AGBL4: variants seen among roughly 807,000 people sequenced by gnomAD.
The protein encoded by AGBL4 is AGBL carboxypeptidase 4, also known as cytosolic carboxypeptidase 6.
Under a neutral mutation model 66.4 loss-of-function variants are expected in AGBL4, and 58 were observed. The observed-to-expected ratio is 0.87, with a 90% CI of 0.71 to 1.09. The LOEUF (loss-of-function observed/expected upper bound fraction) is 1.09, where lower values mean the gene tolerates loss of function less well. AGBL4 is among the 50% of genes least tolerant of loss of function. The pLI is 0.00. For synonymous variants in AGBL4, 234 were observed against 222.9 expected (o/e 1.05, Z -0.44); for missense variants, 579 against 631.0 (o/e 0.92, Z 0.88).
intron 3 of AGBL4, among the ~76,000 whole-genome samples, chr1:49,553,804 T>C (rs541831679): frequency 1.3e-5 from 2 of 152,336 alleles, no homozygotes; most frequent in African/African-American, 4.8e-5. Flanking sequence ...TAAACACTTC[T>C]ACATTATTAT....
chr1:49,850,233 G>T (rs1646270900), intron 2 of AGBL4, among the ~76,000 whole-genome samples: 1 of 152,118 alleles, frequency 6.6e-6, no homozygotes, highest in Admixed American at 6.5e-5. Context: ...GACATACAGG[G>T]AGAACACCAT....
intron 3 of AGBL4, among the ~76,000 whole-genome samples, chr1:49,660,474 G>A (rs1646246833): frequency 1.3e-5 from 2 of 152,176 alleles, no homozygotes; most frequent in South Asian, 4.1e-4. Flanking sequence ...AGGTTGTGGA[G>A]AAATAGAAAT....
At chr1:48,938,723 C>T (rs986724213) in intron 5 of AGBL4, among the ~76,000 whole-genome samples, 7 of 152,178 alleles carry the variant, frequency 4.6e-5, no homozygotes, top group Non-Finnish European at 1.5e-5. Flanking sequence ...GCCCCTAAAG[C>T]CCTTCTCCCA....
chr1:48,846,362 G>GAAGAAAGAAAGAAAGAAAGA (rs72459142), intron 6 of AGBL4, among the ~76,000 whole-genome samples: 9 of 118,594 alleles, frequency 7.6e-5, no homozygotes, highest in Non-Finnish European at 7.0e-5. Flanking sequence ...GAGAAAGAAA[G>GAAGAAAGAAAGAAAGAAAGA]AAGAAAGAAA....
chr1:49,311,419 A>T (rs1005314673), intron 3 of AGBL4, among the ~76,000 whole-genome samples: 2 of 152,116 alleles, frequency 1.3e-5, no homozygotes, highest in African/African-American at 4.8e-5. Context: ...GCCTACAAAA[A>T]ACATTTGACT....
chr1:49,714,536 A>G (rs546274646), intron 2 of AGBL4, among the ~76,000 whole-genome samples: 115 of 149,030 alleles, frequency 7.7e-4, no homozygotes, highest in African/African-American at 2.6e-3. Flanking sequence ...AAAAGACATG[A>G]CTTTACTGTT....
intron 1 of AGBL4, among the ~76,000 whole-genome samples, chr1:49,982,700 A>G (rs1659163334): frequency 6.6e-6 from 1 of 152,054 alleles, no homozygotes. Context: ...TGAACCAATC[A>G]ACATGCACTT....
At chr1:49,492,533 A>T (rs572329652) in intron 3 of AGBL4, among the ~76,000 whole-genome samples, 1 of 152,044 alleles carries the variant, frequency 6.6e-6, no homozygotes, top group Non-Finnish European at 1.5e-5. Context: ...AAATTCACCA[A>T]AGGACTTTAT....
chr1:49,343,894 TG>T (rs1645588840), intron 3 of AGBL4, among the ~76,000 whole-genome samples: 1 of 152,314 alleles, frequency 6.6e-6, no homozygotes, highest in East Asian at 1.9e-4. Context: ...TAGTAATCTT[TG>T]AGAAATAAAG....
chr1:48,762,665 T>TGTAC (rs61362148), intron 6 of AGBL4, among the ~76,000 whole-genome samples: 1 of 150,880 alleles, frequency 6.6e-6, no homozygotes, highest in Non-Finnish European at 1.5e-5. Flanking sequence ...TGTGTATGTA[T>TGTAC]TTGCATGTGT....
At chr1:49,285,941 A>G (rs1644396537) in intron 3 of AGBL4, among the ~76,000 whole-genome samples, 1 of 152,246 alleles carries the variant, frequency 6.6e-6, no homozygotes, top group South Asian at 2.1e-4. Flanking sequence ...ATCCTTGATG[A>G]ACATTGATGC....
chr1:50,005,876 CAG>C (rs1661089747), intron 1 of AGBL4, among the ~76,000 whole-genome samples: 1 of 152,150 alleles, frequency 6.6e-6, no homozygotes, highest in Non-Finnish European at 1.5e-5. Context: ...AAGAATGCAT[CAG>C]AGTCTCTTAA....
intron 3 of AGBL4, among the ~76,000 whole-genome samples, chr1:49,593,137 G>A (rs1024838159): frequency 1.3e-5 from 2 of 152,078 alleles, no homozygotes; most frequent in Admixed American, 1.3e-4. Context: ...GGCTGGGCGC[G>A]GTGTCTCACG....
intron 5 of AGBL4, among the ~76,000 whole-genome samples, chr1:48,879,040 G>A (rs948800659): frequency 2.0e-5 from 3 of 152,064 alleles, no homozygotes; most frequent in East Asian, 3.9e-4. Flanking sequence ...TTGTAAGCCT[G>A]GGACAGAAGG....
At chr1:49,991,365 ATAAT>A (rs1386654114) in intron 1 of AGBL4, among the ~76,000 whole-genome samples, 1 of 152,186 alleles carries the variant, frequency 6.6e-6, no homozygotes, top group Non-Finnish European at 1.5e-5. Context: ...ATATGTATAA[ATAAT>A]TCTTATGCAT....
At chr1:49,610,933 A>T (rs1235449123) in intron 3 of AGBL4, among the ~76,000 whole-genome samples, 2 of 152,248 alleles carry the variant, frequency 1.3e-5, no homozygotes, top group African/African-American at 4.8e-5. Flanking sequence ...AAAAGAATTT[A>T]ATAAATGGAC....
chr1:49,039,958 A>C (rs1346386371), intron 5 of AGBL4, among the ~76,000 whole-genome samples: 1 of 152,072 alleles, frequency 6.6e-6, no homozygotes, highest in Non-Finnish European at 1.5e-5. Context: ...ATAGCACCAA[A>C]AGCATAATCC....
intron 3 of AGBL4, among the ~76,000 whole-genome samples, chr1:49,643,955 T>C (rs1041867012): frequency 1.3e-5 from 2 of 151,678 alleles, no homozygotes; most frequent in South Asian, 4.1e-4. Flanking sequence ...TGGTTAGATT[T>C]CCTTAAAAGA....
rs748122898 is a variant in AGBL4, at chr1:48,544,368, G to T, written c.1268-4630C>A. ...GAGGTTCCTGTGGACTGAGGTAAAAGATTGCAGCAAACATTGTGGAGGCAG... is the reference window on the plus strand; with the variant it reads ...GAGGTTCCTGTGGACTGAGGTAAAATATTGCAGCAAACATTGTGGAGGCAG... On this transcript the variant is annotated intron_variant, in intron 11 of 13. Coordinates refer to ENST00000371839, the MANE Select transcript of AGBL4 (RefSeq NM_032785.4). 3.3e-4 allele frequency among the ~76,000 whole-genome samples: 50 copies of T among 152,334 alleles called. 1 individual carries two copies. The highest frequency in any genetic ancestry group is 6.5e-4 in the Non-Finnish European group (44 of 68,040).
Sources: gnomAD v4.1 joint callset for allele counts (sites outside exome capture counted in the v4.1 genomes callset) on GRCh38, gnomAD v4.1.1 for gene constraint, MANE v1.5 for transcripts, NCBI Gene and HGNC (gene_info 2026-07-23, HGNC 2026-07-21) for gene names.